The following PRDM10 variants were observed in gnomAD, a reference collection of about 807,000 sequenced individuals.
PRDM10 encodes the protein PR domain zinc finger protein 10.
In PRDM10, 65 loss-of-function variants were observed where a neutral mutation model predicts 133.1. The ratio of observed to expected loss-of-function variants is 0.49; its 90% CI spans 0.40 to 0.60. PRDM10 has a LOEUF of 0.60. PRDM10 is among the 20% of genes least tolerant of loss of function. PRDM10 has a pLI of 0.00. For synonymous variants in PRDM10, 582 were observed against 580.4 expected, an observed-to-expected ratio of 1.00 and a Z score of -0.04; for missense variants, 1,137 against 1,507.1, an observed-to-expected ratio of 0.75 and a Z score of 4.07.
intron 6 of PRDM10, among the ~76,000 whole-genome samples, chr11:129,943,192 G>A (rs116713147): frequency 0.034 from 5,161 of 152,258 alleles, 118 homozygotes; most frequent in Admixed American, 0.06. Flanking sequence ...GGGCTGGGCA[G>A]AAACAAAAGG....
Position 129,947,001 on chromosome 11 carries a change from G to A in PRDM10, c.520+144C>T. ...AAAGGGCTGCAGTGAAGGCCAGGTG[G>A]GATGAAGCAAGCAGAGAATGTAGCA... On this transcript the variant is annotated intron_variant, in intron 5 of 20. Coordinates refer to ENST00000360871, the MANE Select transcript of PRDM10 (RefSeq NM_199437.2). The surrounding 1 kb of genome is among the most constrained non-coding windows in gnomAD (Gnocchi z 4.6). 8.9e-7 allele frequency: 1 copy of A among 1,117,686 alleles called. No individual in the cohort carries two copies. The highest frequency in any genetic ancestry group is 2.4e-5 in the East Asian group (1 of 41,028). 69.2% of individuals were successfully genotyped at this position (1,117,686 alleles called of 1,614,324 possible). A position where few individuals can be genotyped will look rare whatever the true frequency, so the allele number is the denominator to read the frequency against.
intron 4 of PRDM10, among the ~76,000 whole-genome samples, chr11:129,949,604 A>G (rs992718149): frequency 2.0e-5 from 3 of 152,198 alleles, no homozygotes; most frequent in Admixed American, 2.0e-4. Context: ...TCTGCTGTGC[A>G]TCTTAATCGA....
At chr11:130,002,206 G>A (rs1054194797) in intron 1 of PRDM10, among the ~76,000 whole-genome samples, 2 of 147,846 alleles carry the variant, frequency 1.4e-5, no homozygotes, top group African/African-American at 4.9e-5. Context: ...CGCGCCCGGA[G>A]CGCCCGCGCA....
chr11:129,988,846 G>A (rs1479834775), intron 1 of PRDM10, among the ~76,000 whole-genome samples: 1 of 151,720 alleles, frequency 6.6e-6, no homozygotes, highest in Admixed American at 6.6e-5. Context: ...AGCCAGGATG[G>A]TCTCGATCTC....
At chr11:129,990,728 C>T (rs1226609455) in intron 1 of PRDM10, among the ~76,000 whole-genome samples, 1 of 152,082 alleles carries the variant, frequency 6.6e-6, no homozygotes, top group Non-Finnish European at 1.5e-5. Flanking sequence ...CACTTCGGCC[C>T]CCCAAAGTGC....
At chr11:129,921,691 C>T (rs1950527250) in intron 13 of PRDM10, among the ~76,000 whole-genome samples, 2 of 152,222 alleles carry the variant, frequency 1.3e-5, no homozygotes, top group African/African-American at 4.8e-5. Flanking sequence ...TGAAGGGAGT[C>T]TTCTTCCCAG....
chr11:129,981,409 A>G (rs561607541), intron 1 of PRDM10, among the ~76,000 whole-genome samples: 2 of 152,306 alleles, frequency 1.3e-5, no homozygotes, highest in East Asian at 3.9e-4. Flanking sequence ...TAAACACAAC[A>G]CACATAAACT....
intron 9 of PRDM10, among the ~76,000 whole-genome samples, chr11:129,932,613 C>T (rs185259311): frequency 2.0e-5 from 3 of 152,310 alleles, no homozygotes; most frequent in Admixed American, 1.3e-4. Context: ...CCCCTGGCCT[C>T]GCCTCATATT....
At chr11:129,917,006 G>C (rs989522265) in intron 15 of PRDM10, 121 bp downstream of exon 15, 10 of 635,108 alleles carry the variant, frequency 1.6e-5, no homozygotes, top group Admixed American at 3.6e-5. Flanking sequence ...AGACTACTGA[G>C]AGACAGGTAA....
intron 1 of PRDM10, among the ~76,000 whole-genome samples, chr11:129,984,039 C>T (rs2135975968): frequency 6.6e-6 from 1 of 152,302 alleles, no homozygotes; most frequent in African/African-American, 2.4e-5. Flanking sequence ...ACTTTGGATT[C>T]TTGTCTCCAA....
At chr11:129,932,356 T>TC in intron 9 of PRDM10, 125 bp from the exon 10 acceptor site, 1 of 1,230,150 alleles carries the variant, frequency 8.1e-7, no homozygotes, top group African/African-American at 1.5e-5. Flanking sequence ...TTCCCAGATT[T>TC]TCTCCAATAG....
chr11:129,914,505 A>T, intron 17 of PRDM10, 199 bp downstream of exon 17: 2 of 757,346 alleles, frequency 2.6e-6, no homozygotes, highest in Non-Finnish European at 4.5e-6. Flanking sequence ...TTTCCTGACT[A>T]CTATAGACAG....
chr11:129,920,796 A>G (rs370585109), intron 13 of PRDM10, among the ~76,000 whole-genome samples: 7 of 151,960 alleles, frequency 4.6e-5, no homozygotes, highest in Admixed American at 6.6e-5. Flanking sequence ...AAATCAGTGA[A>G]TCCCTCTCAC....
At chr11:129,949,368 G>A (rs1302515832) in intron 4 of PRDM10, among the ~76,000 whole-genome samples, 1 of 152,174 alleles carries the variant, frequency 6.6e-6, no homozygotes, top group South Asian at 2.1e-4. Context: ...GTAGCAGAGT[G>A]TATAGCATTT....
intron 11 of PRDM10, among the ~76,000 whole-genome samples, chr11:129,927,540 G>A (rs145690253): frequency 6.6e-6 from 1 of 152,118 alleles, no homozygotes; most frequent in African/African-American, 2.4e-5. Context: ...CCAGAACTCA[G>A]TTTTGTTTTG....
At chr11:129,941,815 G>C (rs1000197346) in intron 7 of PRDM10, among the ~76,000 whole-genome samples, 5 of 152,188 alleles carry the variant, frequency 3.3e-5, no homozygotes, top group Admixed American at 2.0e-4. Context: ...TATGATATTC[G>C]TAGGTTGAGT....
chr11:129,995,495 C>T (rs1277704533), intron 1 of PRDM10, among the ~76,000 whole-genome samples: 3 of 152,178 alleles, frequency 2.0e-5, no homozygotes, highest in Non-Finnish European at 4.4e-5. Flanking sequence ...GGAATGATAG[C>T]TAGTCCCTAT....
At chr11:129,992,404 T>C (rs1024138030) in intron 1 of PRDM10, among the ~76,000 whole-genome samples, 7 of 152,214 alleles carry the variant, frequency 4.6e-5, no homozygotes, top group Non-Finnish European at 1.0e-4. Context: ...GAATGATTAA[T>C]TCTCCAAGGT....
In PRDM10 at chr11:129,918,727, A is replaced by C; in HGVS notation, c.2035-9T>G. ...CGTAGTTTGTCTTTTCGCTATTTGGAGAGTATTTTTGAAAACGGGGTAGAC... is the reference window on the plus strand; with the variant it reads ...CGTAGTTTGTCTTTTCGCTATTTGGCGAGTATTTTTGAAAACGGGGTAGAC... On this transcript the variant is annotated splice_polypyrimidine_tract_variant and intron_variant, in intron 13 of 20. Transcript: ENST00000360871. The surrounding 1 kb of genome is among the most constrained non-coding windows in gnomAD (Gnocchi z 5.3). The C allele has an allele frequency of 6.3e-7, 1 of 1,599,622 alleles. No individual in the cohort carries two copies. The highest frequency in any genetic ancestry group is 8.5e-7 in the Non-Finnish European group (1 of 1,171,642).
Sources: allele counts gnomAD v4.1 joint callset (sites outside exome capture counted in the v4.1 genomes callset), GRCh38; gene constraint gnomAD v4.1.1; non-coding constraint Gnocchi (gnomAD v3.1); transcripts MANE v1.5; gene names NCBI Gene and HGNC (gene_info 2026-07-23, HGNC 2026-07-21).